Variants in NPSR1 observed in about 807,000 individuals in gnomAD.
The protein encoded by NPSR1 is neuropeptide S receptor.
In NPSR1, 48 loss-of-function variants were observed where a neutral mutation model predicts 46.9. The observed-to-expected ratio is 1.02, with a 90% CI of 0.81 to 1.30. The LOEUF is 1.30. Among genes scored for constraint, NPSR1 ranks in the 50% most tolerant of loss-of-function variants. NPSR1 has a pLI of 0.00. For synonymous variants in NPSR1, 176 were observed against 168.1 expected, an observed-to-expected ratio of 1.05 and a Z score of -0.36; for missense variants, 450 against 449.5, an observed-to-expected ratio of 1.00 and a Z score of -0.01.
intron 1 of NPSR1, among the ~76,000 whole-genome samples, chr7:34,665,523 T>A (rs1035593456): frequency 6.6e-6 from 1 of 152,164 alleles, no homozygotes; most frequent in Non-Finnish European, 1.5e-5. Context: ...CCCAATCACC[T>A]TCTCTACTCC....
chr7:34,732,753 G>T (rs1428935963), intron 2 of NPSR1, among the ~76,000 whole-genome samples: 1 of 152,180 alleles, frequency 6.6e-6, no homozygotes, highest in Non-Finnish European at 1.5e-5. Context: ...ACAAGCAAAT[G>T]AGGCTGTGGA....
chr7:34,725,489 A>C (rs1429644406), intron 2 of NPSR1, among the ~76,000 whole-genome samples: 4 of 152,168 alleles, frequency 2.6e-5, no homozygotes, highest in Non-Finnish European at 5.9e-5. Context: ...CAGGCTGCAC[A>C]CCTCATAGAC....
intron 2 of NPSR1, among the ~76,000 whole-genome samples, chr7:34,769,773 A>G (rs1321833417): frequency 6.6e-6 from 1 of 152,200 alleles, no homozygotes; most frequent in Non-Finnish European, 1.5e-5. Flanking sequence ...CACTCAAAGG[A>G]CAATAAAGCC....
intron 4 of NPSR1, among the ~76,000 whole-genome samples, chr7:34,823,417 C>CAAAAAAAAAAAAAAAAAAAAAAAAA (rs79081202): frequency 9.6e-6 from 1 of 103,958 alleles, no homozygotes; most frequent in African/African-American, 4.3e-5. Flanking sequence ...AAAAAAAAAA[C>CAAAAAAAAAAAAAAAAAAAAAAAAA]AACACCATAA....
At chr7:34,839,114 A>G (rs1342681657) in intron 6 of NPSR1, among the ~76,000 whole-genome samples, 1 of 152,248 alleles carries the variant, frequency 6.6e-6, no homozygotes, top group Non-Finnish European at 1.5e-5. Context: ...CAGCTTCTTC[A>G]TCAGTAACTG....
chr7:34,845,581 G>C (rs1460428077), intron 7 of NPSR1: 5 of 454,910 alleles, frequency 1.1e-5, no homozygotes, highest in Non-Finnish European at 2.2e-5. Flanking sequence ...CCTCCCTGAG[G>C]GCTCCTTGAT....
intron 3 of NPSR1, among the ~76,000 whole-genome samples, chr7:34,792,581 GTA>G (rs1194346028): frequency 5.9e-5 from 8 of 136,206 alleles, no homozygotes; most frequent in East Asian, 2.1e-4. Flanking sequence ...ATGTGTGTGT[GTA>G]TATATATACG....
intron 2 of NPSR1, among the ~76,000 whole-genome samples, chr7:34,742,215 A>G (rs1274052849): frequency 1.3e-5 from 2 of 150,538 alleles, no homozygotes; most frequent in East Asian, 2.0e-4. Flanking sequence ...TGTTTGTTAC[A>G]TAGGTAAACT....
intron 3 of NPSR1, among the ~76,000 whole-genome samples, chr7:34,804,685 C>A (rs1046689633): frequency 6.6e-6 from 1 of 151,248 alleles, no homozygotes. Flanking sequence ...TTTAACAGGA[C>A]AAGAAAAGTA....
chr7:34,843,727 C>T (rs1790648988), intron 6 of NPSR1, among the ~76,000 whole-genome samples: 1 of 152,208 alleles, frequency 6.6e-6, no homozygotes, highest in African/African-American at 2.4e-5. Flanking sequence ...AGGTAAACAT[C>T]TGACTGGTTT....
downstream of NPSR1, among the ~76,000 whole-genome samples, chr7:34,850,469 C>T (rs369651841): frequency 3.4e-5 from 5 of 146,778 alleles, no homozygotes; most frequent in Middle Eastern, 3.6e-3. Context: ...GGCACGATCT[C>T]GGCTCACTGC....
At chr7:34,764,943 A>C (rs962710401) in intron 2 of NPSR1, among the ~76,000 whole-genome samples, 3 of 152,182 alleles carry the variant, frequency 2.0e-5, no homozygotes, top group African/African-American at 7.2e-5. Flanking sequence ...ACCAGTAGCA[A>C]GCATTGAGTA....
At chr7:34,838,540 C>T (rs980889285) in intron 6 of NPSR1, among the ~76,000 whole-genome samples, 1 of 152,106 alleles carries the variant, frequency 6.6e-6, no homozygotes, top group African/African-American at 2.4e-5. Context: ...CCAGCTGGGT[C>T]CGCATGCCAG....
Position 34,790,716 on chromosome 7 carries a change from AAT to A in NPSR1, c.384+12156_384+12157del, listed in dbSNP as rs201712666. Among the ~76,000 whole-genome samples, 7 of 128,374 alleles carry A rather than the reference AAT, an allele frequency of 5.5e-5. 1 individual carries two copies. Among genetic ancestry groups the A allele is most frequent in the South Asian group, 2.3e-4 (1 of 4,296 alleles). 84.2% of individuals were successfully genotyped at this position (128,374 alleles called of 152,430 possible). On this transcript the variant is annotated intron_variant, in intron 3 of 8. Coordinates refer to ENST00000360581, the MANE Select transcript of NPSR1 (RefSeq NM_207172.2). ...ATAATATATGTTCTATGTTATATATAATATATGTTATATGTTATATGTTATAT... is the reference window on the plus strand; with the variant it reads ...ATAATATATGTTCTATGTTATATATAATATGTTATATGTTATATGTTATAT...
intron 2 of NPSR1, among the ~76,000 whole-genome samples, chr7:34,749,724 CT>C (rs1207804329): frequency 6.6e-6 from 1 of 152,220 alleles, no homozygotes; most frequent in Non-Finnish European, 1.5e-5. Context: ...ATTGTAATAA[CT>C]GACACAATTA....
chr7:34,857,342 T>C (rs1306739924), intron 8 of NPSR1, among the ~76,000 whole-genome samples: 1 of 151,604 alleles, frequency 6.6e-6, no homozygotes, highest in Non-Finnish European at 1.5e-5. Context: ...TGGGAGAGCT[T>C]AACTAACCAC....
chr7:34,863,481 T>A (rs1791237223), intron 8 of NPSR1, among the ~76,000 whole-genome samples: 1 of 151,770 alleles, frequency 6.6e-6, no homozygotes, highest in Non-Finnish European at 1.5e-5. Context: ...AATCTATCCA[T>A]CTGACAAAGG....
At chr7:34,663,067 C>CTCTCTCTCTCTCTCTCTCTCTCTCTG (rs35826710) in intron 1 of NPSR1, among the ~76,000 whole-genome samples, 2 of 99,424 alleles carry the variant, frequency 2.0e-5, no homozygotes, top group African/African-American at 5.7e-5. Context: ...CTCTCTCTCT[C>CTCTCTCTCTCTCTCTCTCTCTCTCTG]TGTGTGTGTG....
chr7:34,805,479 C>CAA (rs57776086), intron 3 of NPSR1, among the ~76,000 whole-genome samples: 18,804 of 71,514 alleles, frequency 0.26, 2,207 homozygotes, highest in Non-Finnish European at 0.33. Context: ...TATCCACATG[C>CAA]AAAAAAAAAA....
Sources: allele counts gnomAD v4.1 joint callset (sites outside exome capture counted in the v4.1 genomes callset), GRCh38; gene constraint gnomAD v4.1.1; transcripts MANE v1.5; gene names NCBI Gene and HGNC (gene_info 2026-07-23, HGNC 2026-07-21).